The following NINL variants were observed in gnomAD, a reference collection of about 807,000 sequenced individuals.
NINL encodes ninein like.
NINL carries 153 observed loss-of-function variants against 160.3 expected under a neutral mutation model. The ratio of observed to expected loss-of-function variants is 0.95; its 90% CI spans 0.84 to 1.09. The LOEUF (loss-of-function observed/expected upper bound fraction) is 1.09. NINL is among the 50% of genes least tolerant of loss of function. NINL has a pLI of 0.00. For synonymous variants in NINL, 800 were observed against 734.8 expected (o/e 1.09, Z -1.43); for missense variants, 1,829 against 1,764.0 (o/e 1.04, Z -0.66).
chr20:25,551,996 C>T (rs141014287), intron 1 of NINL, among the ~76,000 whole-genome samples: 3 of 152,282 alleles, frequency 2.0e-5, no homozygotes, highest in African/African-American at 4.8e-5. Flanking sequence ...GGGAGGTATA[C>T]AGCCTTTTAC....
chr20:25,555,727 T>G (rs2064857408), intron 1 of NINL, among the ~76,000 whole-genome samples: 1 of 152,074 alleles, frequency 6.6e-6, no homozygotes, highest in Admixed American at 6.5e-5. Flanking sequence ...CAGGCTGGTG[T>G]GCAATGGCAC....
chr20:25,490,694 T>C (rs1279784702), intron 11 of NINL, among the ~76,000 whole-genome samples: 1 of 152,010 alleles, frequency 6.6e-6, no homozygotes, highest in African/African-American at 2.4e-5. Flanking sequence ...CAGACAGCCA[T>C]TGCCAGGGGA....
chr20:25,453,203 A>C lies in NINL; in HGVS notation c.*248T>G. 8.5e-6 allele frequency: 3 copies of C among 351,844 alleles called. No homozygotes were observed. The highest frequency in any genetic ancestry group is 8.9e-5 in the South Asian group (1 of 11,210). 21.8% of individuals were successfully genotyped at this position (351,844 alleles called of 1,614,324 possible). ...GCTCCAGAGAGTGGCAAAACTGGGAATTTTGCCAAGGGAAATTACTCAGGA... is the reference window on the plus strand; with the variant it reads ...GCTCCAGAGAGTGGCAAAACTGGGACTTTTGCCAAGGGAAATTACTCAGGA... On this transcript the variant is annotated 3_prime_UTR_variant, in exon 24 of 24. Coordinates refer to ENST00000278886, the MANE Select transcript of NINL (RefSeq NM_025176.6).
intron 1 of NINL, among the ~76,000 whole-genome samples, chr20:25,529,951 C>T (rs1385765364): frequency 1.3e-5 from 2 of 152,224 alleles, no homozygotes; most frequent in East Asian, 1.9e-4. Context: ...GGACCCCAGG[C>T]AAAGGGGAGC....
chr20:25,461,361 G>A (rs1267991859), intron 21 of NINL, among the ~76,000 whole-genome samples, 161 bp downstream of exon 21: 2 of 152,168 alleles, frequency 1.3e-5, no homozygotes, highest in African/African-American at 4.8e-5. Flanking sequence ...CCTGCACTGG[G>A]AGCAGCTTCG....
chr20:25,457,120 T>A (rs2090706091), intron 22 of NINL, among the ~76,000 whole-genome samples: 1 of 151,772 alleles, frequency 6.6e-6, no homozygotes, highest in South Asian at 2.1e-4. Flanking sequence ...GGTCAGGAGA[T>A]CAAGACCATC....
At position 25,467,463 on chromosome 20, in the gene NINL, T is replaced by A; in HGVS notation, c.3354-5A>T. The A allele has an allele frequency of 6.2e-7, 1 of 1,612,494 alleles. No homozygotes were observed. The highest frequency in any genetic ancestry group is 1.7e-4 in the Middle Eastern group (1 of 6,050). On this transcript the variant is annotated splice_polypyrimidine_tract_variant and splice_region_variant and intron_variant, in intron 18 of 23. Coordinates refer to ENST00000278886, the MANE Select transcript of NINL (RefSeq NM_025176.6). ...TTTAAAACCTCAATTTCCTTCCTGT[T>A]GAAGAAGCACAATTAACAGTGATAC...
chr20:25,539,986 A>G (rs1326475424), intron 1 of NINL: 2 of 1,281,252 alleles, frequency 1.6e-6, no homozygotes, highest in Non-Finnish European at 2.0e-6. Context: ...GCAGCCTCAC[A>G]ACAAGCAGCT....
chr20:25,460,414 G>C (rs1164993488), intron 21 of NINL, among the ~76,000 whole-genome samples: 1 of 152,172 alleles, frequency 6.6e-6, no homozygotes. Flanking sequence ...CAACTGAGAG[G>C]CTGGTGGCAG....
chr20:25,494,993 G>T (rs1275790542), intron 10 of NINL, among the ~76,000 whole-genome samples: 1 of 152,184 alleles, frequency 6.6e-6, no homozygotes, highest in Non-Finnish European at 1.5e-5. Context: ...CAGTTACTGA[G>T]CTGCTCCAGG....
At chr20:25,569,570 C>T (rs1322141355) in intron 1 of NINL, among the ~76,000 whole-genome samples, 2 of 152,130 alleles carry the variant, frequency 1.3e-5, no homozygotes, top group Non-Finnish European at 2.9e-5. Flanking sequence ...GGCAAGACAG[C>T]GATGAATGGA....
In NINL at chr20:25,547,993, C is replaced by A. The variant is rs555267109; in HGVS notation, c.-11-21395G>T. Among the ~76,000 whole-genome samples the A allele has an allele frequency of 3.9e-5, 6 of 152,314 alleles. No individual in the cohort carries two copies. The East Asian group carries it at 1.2e-3, about 29-fold the overall frequency. The stretch of plus-strand genomic sequence containing the variant: ...AACAGTATAAGTAATTAGGGAAATG[C>A]AAATCAAACTAATGAGGTAACACTG... On this transcript the variant is annotated intron_variant, in intron 1 of 23. Transcript: ENST00000278886.
At chr20:25,453,773 G>T in intron 23 of NINL, 131 bp from the exon 24 acceptor site, 1 of 761,086 alleles carries the variant, frequency 1.3e-6, no homozygotes, top group Non-Finnish European at 2.0e-6. Flanking sequence ...ACCCAAGGCC[G>T]GGGGCAGTGG....
chr20:25,574,367 T>TC (rs1394492426), intron 1 of NINL, among the ~76,000 whole-genome samples: 1 of 152,090 alleles, frequency 6.6e-6, no homozygotes, highest in African/African-American at 2.4e-5. Flanking sequence ...TTTTTTTTTT[T>TC]CTAGGAGAAT....
chr20:25,477,625 C>T lies in NINL; in HGVS notation c.2202-536G>A, dbSNP rs150647011. On this transcript the variant is annotated intron_variant, in intron 16 of 23. Transcript: ENST00000278886. Reference sequence around the variant, plus strand: ...ACAGCACCAGAAGGGGTATGTGGTCCATGCCTGGCCAGGGCAAGGGGAGCA... The same window carrying T: ...ACAGCACCAGAAGGGGTATGTGGTCTATGCCTGGCCAGGGCAAGGGGAGCA... 1.5e-3 allele frequency among the ~76,000 whole-genome samples: 223 copies of T among 152,344 alleles called. 2 individuals carry two copies. The highest frequency in any genetic ancestry group is 4.7e-3 in the African/African-American group (197 of 41,574).
At chr20:25,522,579 A>G (rs372740606) in intron 2 of NINL, among the ~76,000 whole-genome samples, 12 of 152,290 alleles carry the variant, frequency 7.9e-5, no homozygotes, top group Admixed American at 3.9e-4. Context: ...CTAGCACATA[A>G]TAAGTCCCTC....
At chr20:25,469,851 A>G (rs1476946876) in intron 18 of NINL, 140 bp downstream of exon 18, 1 of 646,116 alleles carries the variant, frequency 1.5e-6, no homozygotes, top group African/African-American at 1.8e-5. Flanking sequence ...AGAAGTTAAC[A>G]AGGCTCATGG....
chr20:25,502,228 C>G (rs147227110), intron 7 of NINL, among the ~76,000 whole-genome samples: 3,782 of 151,878 alleles, frequency 0.025, 142 homozygotes, highest in African/African-American at 0.087. Context: ...ATGATCCGCC[C>G]GCCTTGGCCT....
chr20:25,511,142 C>T (rs2064062949), intron 4 of NINL, among the ~76,000 whole-genome samples: 1 of 152,184 alleles, frequency 6.6e-6, no homozygotes. Flanking sequence ...CAGCCACAGC[C>T]AATCATTCAG....
Sources: allele counts gnomAD v4.1 joint callset (sites outside exome capture counted in the v4.1 genomes callset), GRCh38; gene constraint gnomAD v4.1.1; transcripts MANE v1.5; gene names NCBI Gene and HGNC (gene_info 2026-07-23, HGNC 2026-07-21).